CFAP299: variants seen among roughly 807,000 people sequenced by gnomAD.
The protein encoded by CFAP299 is cilia and flagella associated protein 299.
In CFAP299, 21 loss-of-function variants were observed where a neutral mutation model predicts 27.0. That is an observed-to-expected ratio of 0.78 (90% CI 0.55 to 1.12). The LOEUF is 1.12. CFAP299 is among the 50% of genes most tolerant of loss of function. The probability of loss-of-function intolerance (pLI) is 0.00; values close to 1 mark genes in which losing one functional copy is unlikely to be tolerated. For missense variants in CFAP299, 310 were observed against 276.6 expected (o/e 1.12, Z -0.86); for synonymous variants, 104 against 98.1 (o/e 1.06, Z -0.36).
At chr4:80,333,074 C>T (rs1721999235), upstream of CFAP299, among the ~76,000 whole-genome samples, 1 of 152,100 alleles carries the variant, frequency 6.6e-6, no homozygotes, top group African/African-American at 2.4e-5. Context: ...CCATCTTATA[C>T]TTGTATTTCT....
intron 3 of CFAP299, among the ~76,000 whole-genome samples, chr4:80,731,218 T>C (rs1723501180): frequency 6.6e-6 from 1 of 152,174 alleles, no homozygotes; most frequent in African/African-American, 2.4e-5. Flanking sequence ...ATGAAAATTT[T>C]AAAATGCCAT....
At chr4:80,869,737 C>T (rs936927588) in intron 3 of CFAP299, among the ~76,000 whole-genome samples, 33 of 152,182 alleles carry the variant, frequency 2.2e-4, no homozygotes, top group Non-Finnish European at 2.9e-4. Flanking sequence ...TAGTCTCGAT[C>T]TCCTTACCTC....
intron 2 of CFAP299, among the ~76,000 whole-genome samples, chr4:80,547,627 C>A (rs1734300335): frequency 6.6e-6 from 1 of 152,040 alleles, no homozygotes; most frequent in Non-Finnish European, 1.5e-5. Context: ...AACTAAGCAT[C>A]CAACAAAGGT....
intron 2 of CFAP299, among the ~76,000 whole-genome samples, chr4:80,437,879 G>T (rs1233585339): frequency 6.6e-6 from 1 of 152,030 alleles, no homozygotes; most frequent in African/African-American, 2.4e-5. Context: ...TATTGTTGTT[G>T]TCCTTTTTTT....
At chr4:80,686,057 A>G (rs1342931784) in intron 3 of CFAP299, among the ~76,000 whole-genome samples, 1 of 152,212 alleles carries the variant, frequency 6.6e-6, no homozygotes, top group Non-Finnish European at 1.5e-5. Context: ...TCACAGTTTA[A>G]TTGAAAATTT....
At chr4:80,932,065 C>T (rs1453423116) in intron 4 of CFAP299, among the ~76,000 whole-genome samples, 1 of 152,068 alleles carries the variant, frequency 6.6e-6, no homozygotes, top group Admixed American at 6.6e-5. Flanking sequence ...TTAGCAAAGT[C>T]CAGCCATGAG....
At chr4:80,847,912 A>T (rs761926222) in intron 3 of CFAP299, among the ~76,000 whole-genome samples, 3 of 152,096 alleles carry the variant, frequency 2.0e-5, no homozygotes, top group Non-Finnish European at 2.9e-5. Flanking sequence ...GAAACATATT[A>T]AGGATACAAA....
chr4:80,737,459 C>T (rs1313362113), intron 3 of CFAP299, among the ~76,000 whole-genome samples: 1 of 152,136 alleles, frequency 6.6e-6, no homozygotes, highest in African/African-American at 2.4e-5. Flanking sequence ...GTTTTGATCT[C>T]GTTACTTGTT....
chr4:80,595,882 A>G (rs753465317), intron 3 of CFAP299, among the ~76,000 whole-genome samples: 14 of 152,236 alleles, frequency 9.2e-5, no homozygotes, highest in Non-Finnish European at 1.6e-4. Context: ...AGGAACGTTC[A>G]GTTCCAAAAT....
chr4:80,801,501 A>C (rs563933929), intron 3 of CFAP299, among the ~76,000 whole-genome samples: 3 of 152,230 alleles, frequency 2.0e-5, no homozygotes, highest in African/African-American at 7.2e-5. Flanking sequence ...ATTGCTGATA[A>C]GCTATTTCTT....
At chr4:80,415,076 T>C (rs2110064725) in intron 2 of CFAP299, among the ~76,000 whole-genome samples, 1 of 152,014 alleles carries the variant, frequency 6.6e-6, no homozygotes, top group African/African-American at 2.4e-5. Flanking sequence ...TTAAAAAGAG[T>C]CTCCTAACAG....
chr4:80,722,404 T>A, intron 3 of CFAP299, among the ~76,000 whole-genome samples: 3 of 135,862 alleles, frequency 2.2e-5, no homozygotes, highest in Admixed American at 7.6e-5. Flanking sequence ...GCAACAAGAG[T>A]GAAACTCCAT....
At chr4:80,940,992 C>T (rs186905628) in intron 4 of CFAP299, among the ~76,000 whole-genome samples, 8 of 152,220 alleles carry the variant, frequency 5.3e-5, no homozygotes, top group East Asian at 1.9e-4. Flanking sequence ...GTGGGGGATT[C>T]GTTCCAGGGC....
intron 3 of CFAP299, among the ~76,000 whole-genome samples, chr4:80,843,732 T>C (rs1304590193): frequency 6.6e-6 from 1 of 151,828 alleles, no homozygotes; most frequent in Non-Finnish European, 1.5e-5. Flanking sequence ...CACATCCTCT[T>C]CAGCACCTGT....
intron 4 of CFAP299, chr4:80,870,625 G>A: frequency 2.0e-6 from 2 of 985,702 alleles, no homozygotes; most frequent in Non-Finnish European, 2.4e-6. Context: ...TTTTATTCTA[G>A]AACCCTTATC....
At chr4:80,722,147 G>A (rs6834096) in intron 3 of CFAP299, among the ~76,000 whole-genome samples, 6,797 of 152,276 alleles carry the variant, frequency 0.045, 526 homozygotes, top group African/African-American at 0.15. Context: ...GCCAGGCTCA[G>A]TGGCTCATGC....
chr4:80,859,335 A>G (rs1274727041), intron 3 of CFAP299, among the ~76,000 whole-genome samples: 5 of 152,114 alleles, frequency 3.3e-5, no homozygotes, highest in Non-Finnish European at 7.4e-5. Context: ...CCTGAAAACA[A>G]CACACTGATG....
intron 3 of CFAP299, among the ~76,000 whole-genome samples, chr4:80,632,984 G>A (rs1739287441): frequency 6.6e-6 from 1 of 152,212 alleles, no homozygotes; most frequent in East Asian, 1.9e-4. Flanking sequence ...TTATTTGATA[G>A]CACAATTAAG....
At chr4:80,325,206 C>T in the CFAP299 span, among the ~76,000 whole-genome samples, 1 of 152,196 alleles carries the variant, frequency 6.6e-6, no homozygotes, top group African/African-American at 2.4e-5. Context: ...TTAATATGGT[C>T]ACACAGTACA....
Sources: gnomAD v4.1 joint callset for allele counts (sites outside exome capture counted in the v4.1 genomes callset) on GRCh38, gnomAD v4.1.1 for gene constraint, MANE v1.5 for transcripts, NCBI Gene and HGNC (gene_info 2026-07-23, HGNC 2026-07-21) for gene names.